Variants in RAPGEF6 observed in about 807,000 individuals in gnomAD.
RAPGEF6 encodes PDZ domain containing guanine nucleotide exchange factor (GEF) 2.
RAPGEF6 carries 56 observed loss-of-function variants against 171.4 expected under a neutral mutation model. That is an observed-to-expected ratio of 0.33 (90% CI 0.26 to 0.41). The LOEUF (loss-of-function observed/expected upper bound fraction) is 0.41. RAPGEF6 is among the 10% of genes least tolerant of loss of function. The pLI, the probability that RAPGEF6 is intolerant of heterozygous loss-of-function variation, is 1.00. For missense variants in RAPGEF6, 1,674 were observed against 1,921.4 expected (o/e 0.87, Z 2.41); for synonymous variants, 692 against 650.1 (o/e 1.06, Z -0.98).
intron 7 of RAPGEF6, among the ~76,000 whole-genome samples, chr5:131,515,434 A>C (rs956673892): frequency 1.3e-5 from 2 of 152,188 alleles, no homozygotes; most frequent in African/African-American, 4.8e-5. Flanking sequence ...TTTTCCTTGA[A>C]GCCAATATTG....
At chr5:131,610,092 A>G (rs184531281) in intron 1 of RAPGEF6, among the ~76,000 whole-genome samples, 1 of 152,384 alleles carries the variant, frequency 6.6e-6, no homozygotes, top group East Asian at 1.9e-4. Context: ...ACACCTTTTA[A>G]TATGAAGATA....
At chr5:131,582,311 C>A (rs1245301408) in intron 4 of RAPGEF6, among the ~76,000 whole-genome samples, 1 of 152,144 alleles carries the variant, frequency 6.6e-6, no homozygotes, top group Admixed American at 6.5e-5. Flanking sequence ...CAATTAAATT[C>A]TAATAAAGGT....
chr5:131,569,341 A>G (rs1302243498), intron 4 of RAPGEF6, among the ~76,000 whole-genome samples: 1 of 152,240 alleles, frequency 6.6e-6, no homozygotes, highest in Non-Finnish European at 1.5e-5. Flanking sequence ...TAATCAAGAC[A>G]GTCAGGATTG....
Position 131,492,663 on chromosome 5 carries a change from A to G in RAPGEF6, c.1650T>C (p.Ser550=). The change falls in exon 14 of 28, where the codon AGT becomes AGC. Residue 550 remains serine (S), a synonymous_variant. Coordinates refer to ENST00000509018, the MANE Select transcript of RAPGEF6 (RefSeq NM_016340.6). ...CAACAAAAATACCAAATCCCTTCTC[A>G]CTCCCTCCATTAAGGCTGAATTGTA... ...SPLQFSLNGG[S]EKGFGIFVEG... The G allele has an allele frequency of 6.2e-7, 1 of 1,613,808 alleles. No individual in the cohort carries two copies.
At chr5:131,477,724 GTCTT>G (rs1356357652) in intron 16 of RAPGEF6, among the ~76,000 whole-genome samples, 4 of 152,262 alleles carry the variant, frequency 2.6e-5, no homozygotes, top group South Asian at 2.1e-4. Flanking sequence ...AGTCTTGTCT[GTCTT>G]TAGATGATAC....
intron 7 of RAPGEF6, among the ~76,000 whole-genome samples, chr5:131,520,257 C>A (rs983545252): frequency 2.0e-5 from 3 of 152,158 alleles, no homozygotes; most frequent in Non-Finnish European, 4.4e-5. Context: ...ATGGTAGCCA[C>A]TAGCCGTATG....
chr5:131,433,512 G>A lies in RAPGEF6; in HGVS notation c.3892C>T (p.Leu1298=). 6.2e-7 allele frequency: 1 copy of A among 1,613,968 alleles called. No homozygotes were observed. The highest frequency in any genetic ancestry group is 1.7e-5 in the Admixed American group (1 of 60,022). Residue 1298 remains leucine (L), a synonymous_variant, in exon 25 of 28, where the codon CTG becomes TTG. Coordinates refer to ENST00000509018, the MANE Select transcript of RAPGEF6 (RefSeq NM_016340.6). ...LQDERCSSQA[L]AVPESTGALE... ...GCCCCAGTGGATTCAGGGACTGCCA[G>A]GGCCTGAGAGGAACACCGTTCATCC...
Position 131,498,599 on chromosome 5 carries a change from A to C in RAPGEF6, c.1263T>G (p.Pro421=), listed in dbSNP as rs932448652. 2.5e-5 allele frequency: 40 copies of C among 1,612,586 alleles called. No individual in the cohort carries two copies. The Admixed American group carries it at 4.7e-4, about 19-fold the overall frequency. ...RKGHIVIKAT[P]ERLIMHLIEE... ...CTATTAAATGCATTATGAGACGCTC[A>C]GGTGTTGCCTAAAAATCCAAGGATA... Residue 421 remains proline (P), a synonymous_variant, in exon 12 of 28, where the codon CCT becomes CCG. Transcript: ENST00000509018.
rs202020592 is a variant in RAPGEF6 at position 131,461,783 on chromosome 5, T to C, written c.2786A>G (p.Lys929Arg). The change falls in exon 19 of 28, where the codon AAG becomes AGG. Residue 929 changes from lysine to arginine, a missense_variant. By Grantham distance (26) the Lys-to-Arg change is conservative (BLOSUM62 2). Coordinates refer to ENST00000509018, the MANE Select transcript of RAPGEF6 (RefSeq NM_016340.6). ...LTEANQLKRM[K>R]IIKHFIKIAL... ...AATTTTAATAAAATGCTTAATAATC[T>C]TCATTCGTTTGAGCTGATTTGCTTC... 3 of 1,613,200 alleles carry C rather than the reference T, an allele frequency of 1.9e-6. No homozygotes were observed. Among genetic ancestry groups the C allele is most frequent in the Non-Finnish European group, 2.5e-6 (3 of 1,179,218 alleles).
chr5:131,556,579 T>C (rs60844708), intron 5 of RAPGEF6, among the ~76,000 whole-genome samples: 5,655 of 152,260 alleles, frequency 0.037, 373 homozygotes, highest in African/African-American at 0.13. Flanking sequence ...AAATTTTACA[T>C]ATATTAAAAT....
chr5:131,604,482 A>G, intron 2 of RAPGEF6, 141 bp downstream of exon 2: 1 of 897,800 alleles, frequency 1.1e-6, no homozygotes, highest in Non-Finnish European at 1.6e-6. Context: ...TATAAACTCC[A>G]GGAAACCAGG....
chr5:131,552,884 ATAAT>A (rs1335210146), intron 5 of RAPGEF6, among the ~76,000 whole-genome samples: 1 of 152,244 alleles, frequency 6.6e-6, no homozygotes, highest in Non-Finnish European at 1.5e-5. Flanking sequence ...GAAGCAAGAC[ATAAT>A]TAAAAATGAG....
intron 15 of RAPGEF6, among the ~76,000 whole-genome samples, chr5:131,488,762 G>T (rs928008695): frequency 1.2e-4 from 19 of 152,080 alleles, no homozygotes; most frequent in African/African-American, 4.3e-4. Flanking sequence ...TTCTCAAATT[G>T]TAACCTAAAA....
intron 7 of RAPGEF6, among the ~76,000 whole-genome samples, chr5:131,519,539 T>C (rs1758333689): frequency 6.6e-6 from 1 of 152,142 alleles, no homozygotes; most frequent in Admixed American, 6.5e-5. Flanking sequence ...GTAGCTGAGA[T>C]TACAGATGTG....
At chr5:131,610,432 G>A (rs1467316175) in intron 1 of RAPGEF6, among the ~76,000 whole-genome samples, 1 of 152,228 alleles carries the variant, frequency 6.6e-6, no homozygotes, top group Non-Finnish European at 1.5e-5. Flanking sequence ...TGAGCAGTAG[G>A]TGGACGCAGG....
intron 18 of RAPGEF6, among the ~76,000 whole-genome samples, chr5:131,463,321 G>A (rs1009414153): frequency 5.3e-5 from 8 of 152,152 alleles, no homozygotes; most frequent in South Asian, 2.1e-4. Context: ...GCTCACACTC[G>A]TAATGCCAGC....
intron 4 of RAPGEF6, 32 bp from the exon 5 acceptor site, chr5:131,562,079 A>G (rs75332502): frequency 7.1e-7 from 1 of 1,408,966 alleles, no homozygotes; most frequent in African/African-American, 1.5e-5. Context: ...TTCTTTAGCA[A>G]AGGTTATTAA....
At chr5:131,560,818 G>A (rs1297380917) in intron 5 of RAPGEF6, among the ~76,000 whole-genome samples, 2 of 152,238 alleles carry the variant, frequency 1.3e-5, no homozygotes, top group South Asian at 4.1e-4. Context: ...ATTAGGGATA[G>A]TGAGTTCATG....
chr5:131,633,388 G>A (rs935519172), intron 1 of RAPGEF6, among the ~76,000 whole-genome samples: 1 of 152,080 alleles, frequency 6.6e-6, no homozygotes, highest in Non-Finnish European at 1.5e-5. Context: ...TTAAAGAGCA[G>A]TAGGATTTTT....
Sources: gnomAD v4.1 joint callset for allele counts (sites outside exome capture counted in the v4.1 genomes callset) on GRCh38, gnomAD v4.1.1 for gene constraint, MANE v1.5 for transcripts, NCBI Gene and HGNC (gene_info 2026-07-23, HGNC 2026-07-21) for gene names.